Variants in KPNA1 observed in about 807,000 individuals in gnomAD.
KPNA1 encodes the protein karyopherin subunit alpha 1, also known as importin subunit alpha-5.
A neutral mutation model predicts 70.5 loss-of-function variants in KPNA1; 10 were observed. The observed-to-expected ratio is 0.14, with a 90% CI of 0.09 to 0.24. KPNA1 has a LOEUF of 0.24. Among genes scored for constraint, KPNA1 ranks in the 10% least tolerant of loss-of-function variants. The pLI, the probability that KPNA1 is intolerant of heterozygous loss-of-function variation, is 1.00. For synonymous variants in KPNA1, 192 were observed against 221.9 expected, an observed-to-expected ratio of 0.87 and a Z score of 1.20; for missense variants, 397 against 637.9, an observed-to-expected ratio of 0.62 and a Z score of 4.07.
In KPNA1 at chr3:122,459,367, T is replaced by C. The variant is rs1454668413; in HGVS notation, c.432+1857A>G. 9.6e-6 allele frequency: 9 copies of C among 942,082 alleles called. No individual in the cohort carries two copies. In the African/African-American group the frequency reaches 1.6e-4, roughly 17 times the overall value. The allele number at this position is 942,082 out of a possible 1,614,324, so 58.4% of individuals were successfully genotyped here. ...CAGATCAAGGAGTAAATTCAGTATC[T>C]CTCATCTACTCTCATTCCCAGAGAC... is the stretch of plus-strand genomic sequence containing the variant. On this transcript the variant is annotated intron_variant, in intron 5 of 13. Transcript: ENST00000344337.
In KPNA1 at chr3:122,437,224, C is replaced by T; in HGVS notation, c.1068G>A (p.Lys356=). 6.2e-7 allele frequency: 1 copy of T among 1,613,942 alleles called. No individual in the cohort carries two copies. The highest frequency in any genetic ancestry group is 2.2e-5 in the East Asian group (1 of 44,862). Residue 356 remains lysine, a synonymous_variant, in exon 11 of 14, where the codon AAG becomes AAA. Coordinates refer to ENST00000344337, the MANE Select transcript of KPNA1 (RefSeq NM_002264.4). ...TATTAGATATCGTCCAACATGCTTCCTTTTTGATAGATTCCTTTGGGCTAC... is the reference window on the plus strand; with the variant it reads ...TATTAGATATCGTCCAACATGCTTCTTTTTTGATAGATTCCTTTGGGCTAC... ...LLSSPKESIK[K]EACWTISNIT...
At chr3:122,478,447 C>A (rs1165738043) in intron 2 of KPNA1, among the ~76,000 whole-genome samples, 1 of 152,000 alleles carries the variant, frequency 6.6e-6, no homozygotes, top group Non-Finnish European at 1.5e-5. Context: ...CATGGTGAAA[C>A]CCCATCTCTA....
chr3:122,466,351 G>A (rs1392820076), intron 3 of KPNA1, among the ~76,000 whole-genome samples: 1 of 151,894 alleles, frequency 6.6e-6, no homozygotes, highest in Non-Finnish European at 1.5e-5. Flanking sequence ...AAAATACTAG[G>A]TGGCTAAGCG....
intron 13 of KPNA1, 156 bp from the exon 14 acceptor site, chr3:122,427,328 GA>G: frequency 1.4e-6 from 1 of 733,986 alleles, no homozygotes. Flanking sequence ...TAATAGCACA[GA>G]AATGACTGCT....
intron 1 of KPNA1, among the ~76,000 whole-genome samples, chr3:122,499,680 G>A (rs1576345217): frequency 6.6e-6 from 1 of 151,622 alleles, no homozygotes; most frequent in Non-Finnish European, 1.5e-5. Flanking sequence ...GATGGCTTGA[G>A]TCCAGCAGTT....
rs972468977 is a variant in KPNA1 at position 122,442,241 on chromosome 3, C to T, written c.918-125G>A. 4.4e-6 allele frequency: 3 copies of T among 685,222 alleles called. No individual in the cohort carries two copies. In the East Asian group the frequency reaches 7.8e-5, roughly 18 times the overall value. The allele number at this position is 685,222 out of a possible 1,614,324, so 42.4% of individuals were successfully genotyped here. A position where few individuals can be genotyped will look rare whatever the true frequency, so the allele number is the denominator to read the frequency against. The stretch of plus-strand genomic sequence containing the variant: ...TTAGAGCAGAAATGTACCCATGGGG[C>T]TAATTAAGGGAACGCTTATCATGAT... On this transcript the variant is annotated intron_variant, in intron 9 of 13. Coordinates refer to ENST00000344337, the MANE Select transcript of KPNA1 (RefSeq NM_002264.4).
chr3:122,439,696 TGAG>T (rs2076038294), intron 10 of KPNA1, among the ~76,000 whole-genome samples: 1 of 152,058 alleles, frequency 6.6e-6, no homozygotes, highest in Non-Finnish European at 1.5e-5. Context: ...GGGAATAAAT[TGAG>T]AAGAGTAACT....
rs933113296 is a variant in KPNA1, at chr3:122,426,326, C to T, written c.*659G>A. The T allele has an allele frequency of 6.6e-6, 1 of 152,620 alleles. No homozygotes were observed. Among genetic ancestry groups the T allele is most frequent in the East Asian group, 1.9e-4 (1 of 5,194 alleles). 9.5% of individuals were successfully genotyped at this position (152,620 alleles called of 1,614,324 possible). A position where few individuals can be genotyped will look rare whatever the true frequency, so the allele number is the denominator to read the frequency against. ...AGGAGTCAAAGTGTTAATTCTTCAG[C>T]ATTCCTGACAACTAGAAAGCACATT... On this transcript the variant is annotated 3_prime_UTR_variant, in exon 14 of 14. Transcript: ENST00000344337.
intron 2 of KPNA1, among the ~76,000 whole-genome samples, chr3:122,486,547 G>A (rs1226275266): frequency 1.3e-5 from 2 of 152,022 alleles, no homozygotes; most frequent in Non-Finnish European, 2.9e-5. Context: ...CAACCAGACT[G>A]TCATAAACCT....
At position 122,496,591 on chromosome 3, in the gene KPNA1, G is replaced by C. The variant is rs1400320229; in HGVS notation, c.-5-21C>G. On this transcript the variant is annotated intron_variant, in intron 1 of 13. Transcript: ENST00000344337. Reference sequence around the variant, plus strand: ...GATTTCTACAATACAAGTGGGGAGAGAACAAATGAGTTTACTGTGAAGAGC... The same window carrying C: ...GATTTCTACAATACAAGTGGGGAGACAACAAATGAGTTTACTGTGAAGAGC... 3 of 1,609,164 alleles carry C rather than the reference G, an allele frequency of 1.9e-6. No individual in the cohort carries two copies. The Admixed American group carries it at 5.0e-5, about 27-fold the overall frequency.
chr3:122,482,307 C>G lies in KPNA1; in HGVS notation c.129+14130G>C, dbSNP rs114198987. 6.0e-3 allele frequency among the ~76,000 whole-genome samples: 913 copies of G among 152,338 alleles called. 10 individuals are homozygous for G. Among genetic ancestry groups the G allele is most frequent in the African/African-American group, 0.021 (874 of 41,568 alleles). ...ACAGTAAAAATATGGTAATTATAAT[C>G]TTATGGGACCACATCATATATGTGC... On this transcript the variant is annotated intron_variant, in intron 2 of 13. Coordinates refer to ENST00000344337, the MANE Select transcript of KPNA1 (RefSeq NM_002264.4).
At chr3:122,494,178 T>C (rs1424216320) in intron 2 of KPNA1, among the ~76,000 whole-genome samples, 1 of 152,178 alleles carries the variant, frequency 6.6e-6, no homozygotes, top group African/African-American at 2.4e-5. Flanking sequence ...TTTGGTTTTG[T>C]TTCCTTTTGA....
intron 5 of KPNA1, among the ~76,000 whole-genome samples, chr3:122,455,625 A>G (rs1371275563): frequency 6.6e-6 from 1 of 151,954 alleles, no homozygotes; most frequent in Non-Finnish European, 1.5e-5. Flanking sequence ...TCACGTTCTC[A>G]GCTCACTGCA....
intron 1 of KPNA1, among the ~76,000 whole-genome samples, chr3:122,509,267 A>C (rs1453963014): frequency 1.3e-5 from 2 of 151,852 alleles, no homozygotes; most frequent in African/African-American, 2.4e-5. Context: ...AAAAAGAAAG[A>C]TAAAACCAAG....
At chr3:122,442,138 T>C in intron 9 of KPNA1, 22 bp from the exon 10 acceptor site, 1 of 1,571,792 alleles carries the variant, frequency 6.4e-7, no homozygotes, top group Non-Finnish European at 8.8e-7. Context: ...AAAAGTAATG[T>C]TATAGCAAAC....
intron 2 of KPNA1, among the ~76,000 whole-genome samples, chr3:122,476,504 T>C (rs1286482862): frequency 1.3e-5 from 2 of 152,048 alleles, no homozygotes; most frequent in South Asian, 2.1e-4. Context: ...AAGAAAATAT[T>C]TGCAAACCGT....
At chr3:122,468,999 G>A (rs1240047027) in intron 2 of KPNA1, among the ~76,000 whole-genome samples, 1 of 152,098 alleles carries the variant, frequency 6.6e-6, no homozygotes, top group Non-Finnish European at 1.5e-5. Flanking sequence ...GAACTATCAG[G>A]AGGAGAGGAA....
chr3:122,484,826 G>C (rs1388074407), intron 2 of KPNA1, among the ~76,000 whole-genome samples: 1 of 152,058 alleles, frequency 6.6e-6, no homozygotes, highest in African/African-American at 2.4e-5. Flanking sequence ...TTCCCAGCAG[G>C]CTTTCATGTA....
chr3:122,441,136 T>G (rs189819495), intron 10 of KPNA1, among the ~76,000 whole-genome samples: 1 of 152,148 alleles, frequency 6.6e-6, no homozygotes, highest in Non-Finnish European at 1.5e-5. Flanking sequence ...GATTGCCCCG[T>G]GGAAGATGTC....
Sources: gnomAD v4.1 joint callset for allele counts (sites outside exome capture counted in the v4.1 genomes callset) on GRCh38, gnomAD v4.1.1 for gene constraint, MANE v1.5 for transcripts, NCBI Gene and HGNC (gene_info 2026-07-23, HGNC 2026-07-21) for gene names.